Variants in CAPN14 observed in about 807,000 individuals in gnomAD.
CAPN14 encodes calpain 14.
Under a neutral mutation model 101.3 loss-of-function variants are expected in CAPN14, and 94 were observed. That is an observed-to-expected ratio of 0.93 (90% CI 0.79 to 1.10). The LOEUF (loss-of-function observed/expected upper bound fraction) is 1.10. Ranked by LOEUF, CAPN14 falls within the 50% of genes least tolerant of loss-of-function variation. CAPN14 has a pLI of 0.00. For missense variants in CAPN14, 837 were observed against 828.4 expected (o/e 1.01, Z -0.13); for synonymous variants, 338 against 317.9 (o/e 1.06, Z -0.67).
chr2:31,209,563 G>A (rs1358811678), intron 1 of CAPN14, among the ~76,000 whole-genome samples: 1 of 152,140 alleles, frequency 6.6e-6, no homozygotes, highest in Non-Finnish European at 1.5e-5. Flanking sequence ...CTGTATACAG[G>A]CAGGGTTTCC....
At chr2:31,225,400 TGTG>T (rs1290220965) in intron 2 of CAPN14, among the ~76,000 whole-genome samples, 1 of 152,034 alleles carries the variant, frequency 6.6e-6, no homozygotes, top group African/African-American at 2.4e-5. Context: ...CTGATATCAT[TGTG>T]GTAAGTATAT....
At chr2:31,200,409 G>C in intron 6 of CAPN14, 42 bp downstream of exon 6, 1 of 1,511,606 alleles carries the variant, frequency 6.6e-7, no homozygotes, top group Non-Finnish European at 8.9e-7. Context: ...GGGCATGGGT[G>C]CAGGAGAAGA....
intron 1 of CAPN14, among the ~76,000 whole-genome samples, chr2:31,232,521 G>T (rs1301293093): frequency 1.3e-5 from 2 of 152,158 alleles, no homozygotes; most frequent in Non-Finnish European, 2.9e-5. Context: ...TCACAGTTCT[G>T]CATGCCTAGA....
intron 1 of CAPN14, among the ~76,000 whole-genome samples, chr2:31,216,120 A>T (rs942524777): frequency 5.3e-5 from 8 of 152,252 alleles, no homozygotes; most frequent in South Asian, 2.1e-4. Flanking sequence ...CAAGAATTAC[A>T]TGCTGCAATA....
chr2:31,226,027 T>C (rs1158085260), intron 2 of CAPN14, among the ~76,000 whole-genome samples: 1 of 152,192 alleles, frequency 6.6e-6, no homozygotes, highest in Non-Finnish European at 1.5e-5. Context: ...AATGGCATAA[T>C]ACTAATTTAG....
intron 12 of CAPN14, 100 bp downstream of exon 12, chr2:31,191,299 C>T (rs532787132): frequency 3.9e-5 from 45 of 1,147,486 alleles, no homozygotes; most frequent in African/African-American, 8.0e-5. Context: ...TAGCTTCTTA[C>T]GCAGTAGAAG....
intron 2 of CAPN14, among the ~76,000 whole-genome samples, chr2:31,223,032 G>A (rs1028980812): frequency 3.9e-5 from 6 of 152,214 alleles, no homozygotes; most frequent in Non-Finnish European, 7.3e-5. Flanking sequence ...CCTGGAAGAA[G>A]ACTTTCACCA....
At chr2:31,219,981 T>C (rs1283432609), upstream of CAPN14, among the ~76,000 whole-genome samples, 1 of 152,200 alleles carries the variant, frequency 6.6e-6, no homozygotes, top group Non-Finnish European at 1.5e-5. Flanking sequence ...CAAACCTAAT[T>C]GCTCTCTAAA....
chr2:31,192,221 G>T lies in CAPN14; in HGVS notation c.1115-123C>A, dbSNP rs946102464. ...CAGGATTGACACCCTGAGGCCCACT[G>T]GGACAGAGTCGGGGTCCCTTCAACC... On this transcript the variant is annotated intron_variant, in intron 10 of 21. Transcript: ENST00000403897. 1.1e-5 allele frequency: 13 copies of T among 1,137,448 alleles called. No individual in the cohort carries two copies. In the Admixed American group the frequency reaches 3.2e-4, roughly 28 times the overall value. 70.5% of individuals were successfully genotyped at this position (1,137,448 alleles called of 1,614,324 possible).
chr2:31,231,914 A>G (rs1033876033), intron 1 of CAPN14, among the ~76,000 whole-genome samples: 5 of 152,216 alleles, frequency 3.3e-5, no homozygotes, highest in African/African-American at 1.2e-4. Context: ...AATATCTTTA[A>G]TATTACTCCT....
At chr2:31,218,053 C>T (rs1682731672), upstream of CAPN14, among the ~76,000 whole-genome samples, 1 of 152,154 alleles carries the variant, frequency 6.6e-6, no homozygotes, top group African/African-American at 2.4e-5. Context: ...GCTCCCTCTT[C>T]CTTCCCAACC....
chr2:31,216,743 G>A (rs1298958021), intron 1 of CAPN14, among the ~76,000 whole-genome samples: 2 of 152,020 alleles, frequency 1.3e-5, no homozygotes, highest in African/African-American at 2.4e-5. Context: ...CGACTACCTC[G>A]CTCTGGAGTC....
At position 31,188,325 on chromosome 2, in the gene CAPN14, A is replaced by G; in HGVS notation, c.1523T>C (p.Phe508Ser). 1.3e-6 allele frequency: 2 copies of G among 1,551,558 alleles called. No individual in the cohort carries two copies. The highest frequency in any genetic ancestry group is 1.7e-6 in the Non-Finnish European group (2 of 1,146,878). Residue 508 changes from phenylalanine to serine, a missense_variant, in exon 14 of 22, where the codon TTC (phenylalanine) becomes TCC (serine). Transcript: ENST00000403897. Reference sequence around the variant, plus strand: ...TTCCACCAGACTACTCACCTTTGAGAAGACGACACCAGAATTGCTGCCAAT... The same window carrying G: ...TTCCACCAGACTACTCACCTTTGAGGAGACGACACCAGAATTGCTGCCAAT... ...YEIGSNSGVV[F>S]SKEIEDQNER...
intron 1 of CAPN14, among the ~76,000 whole-genome samples, chr2:31,211,443 A>G (rs936599580): frequency 3.9e-5 from 6 of 152,162 alleles, no homozygotes; most frequent in Non-Finnish European, 7.3e-5. Context: ...TTCTTTTTAA[A>G]ACAGCAAGAA....
At position 31,205,485 on chromosome 2, in the gene CAPN14, G is replaced by T. The variant is rs1447339727; in HGVS notation, c.-38C>A. 3 of 1,481,510 alleles carry T rather than the reference G, an allele frequency of 2.0e-6. No homozygotes were observed. Among genetic ancestry groups the T allele is most frequent in the Non-Finnish European group, 1.8e-6 (2 of 1,083,536 alleles). 91.8% of individuals were successfully genotyped at this position (1,481,510 alleles called of 1,614,324 possible). A position where few individuals can be genotyped will look rare whatever the true frequency, so the allele number is the denominator to read the frequency against. ...GTACAGTCCAGTGAGTCTTCCTGAG[G>T]AGTCTCTGCTGCTCCTGAAATGGAG... On this transcript the variant is annotated 5_prime_UTR_variant, in exon 2 of 22. Coordinates refer to ENST00000403897, the MANE Select transcript of CAPN14 (RefSeq NM_001145122.2).
chr2:31,174,696 C>T lies in CAPN14; in HGVS notation c.2040G>A (p.Met680Ile). The T allele has an allele frequency of 6.4e-7, 1 of 1,551,620 alleles. No homozygotes were observed. The highest frequency in any genetic ancestry group is 8.7e-7 in the Non-Finnish European group (1 of 1,146,982). ...IYLQKPEWMM[M>I]ALYS ...CTCAGCCTTCTCAGGAGTACAGTGC[C>T]ATCATCATCCACTGGACATGTTGGG... The change falls in exon 22 of 22, where the codon ATG becomes ATA. Residue 680 changes from methionine to isoleucine, a missense_variant. Transcript: ENST00000403897.
chr2:31,202,183 G>A lies in CAPN14; in HGVS notation c.365C>T (p.Pro122Leu). ...CTTCTCAGTGAAACTCTGATTCAGGGGAACAACCCGGCTCAGGATGTCCTG... is the reference window on the plus strand; with the variant it reads ...CTTCTCAGTGAAACTCTGATTCAGGAGAACAACCCGGCTCAGGATGTCCTG... ...LHQDILSRVV[P>L]LNQSFTEKYA... Residue 122 changes from proline to leucine, a missense_variant, in exon 4 of 22, where the codon CCC (proline) becomes CTC (leucine). Pro to Leu is a moderately conservative substitution (Grantham distance 98). Transcript: ENST00000403897. The A allele has an allele frequency of 1.3e-6, 2 of 1,551,830 alleles. No homozygotes were observed. Among genetic ancestry groups the A allele is most frequent in the Non-Finnish European group, 1.7e-6 (2 of 1,147,036 alleles).
upstream of CAPN14, among the ~76,000 whole-genome samples, chr2:31,220,990 T>C (rs1271076762): frequency 6.6e-6 from 1 of 152,202 alleles, no homozygotes; most frequent in Non-Finnish European, 1.5e-5. Flanking sequence ...ATTAGAAATT[T>C]ATCCAAGAAC....
chr2:31,193,104 G>A, intron 10 of CAPN14, 27 bp downstream of exon 10: 1 of 1,538,536 alleles, frequency 6.5e-7, no homozygotes, highest in Non-Finnish European at 8.8e-7. Flanking sequence ...CTCACCCTGA[G>A]AGCCCTGCTC....
Sources: gnomAD v4.1 joint callset for allele counts (sites outside exome capture counted in the v4.1 genomes callset) on GRCh38, gnomAD v4.1.1 for gene constraint, MANE v1.5 for transcripts, NCBI Gene and HGNC (gene_info 2026-07-23, HGNC 2026-07-21) for gene names.